Variants in ZNF780B observed in about 807,000 individuals in gnomAD.
ZNF780B encodes the protein zinc finger protein 779.
Under a neutral mutation model 74.1 loss-of-function variants are expected in ZNF780B, and 52 were observed. The ratio of observed to expected loss-of-function variants is 0.70; its 90% CI spans 0.56 to 0.88. The LOEUF is 0.88. Among genes scored for constraint, ZNF780B ranks in the 40% least tolerant of loss-of-function variants. The pLI is 0.00. For synonymous variants in ZNF780B, 315 were observed against 324.3 expected, an observed-to-expected ratio of 0.97 and a Z score of 0.31; for missense variants, 953 against 1,007.6, an observed-to-expected ratio of 0.95 and a Z score of 0.73.
intron 2 of ZNF780B, chr19:40,049,057 C>A: frequency 2.6e-6 from 1 of 380,118 alleles, no homozygotes; most frequent in East Asian, 4.8e-5. Context: ...GATGCACTCC[C>A]TGGAAAAAAA....
chr19:40,033,584 T>C lies in ZNF780B; in HGVS notation c.*773A>G, dbSNP rs1184293092. 1 of 153,026 alleles carries C rather than the reference T, an allele frequency of 6.5e-6. No individual in the cohort carries two copies. Among genetic ancestry groups the C allele is most frequent in the Non-Finnish European group, 1.5e-5 (1 of 68,432 alleles). 9.5% of individuals were successfully genotyped at this position (153,026 alleles called of 1,614,324 possible). A position where few individuals can be genotyped will look rare whatever the true frequency, so the allele number is the denominator to read the frequency against. On this transcript the variant is annotated 3_prime_UTR_variant, in exon 5 of 5. Coordinates refer to ENST00000434248, the MANE Select transcript of ZNF780B (RefSeq NM_001005851.3). ...GCCACGATGAAAGTTCTTCACACAT[T>C]CTTTTATGTTCACAGGATTTCTCAT...
Position 40,036,423 on chromosome 19 carries a change from A to C in ZNF780B, c.436T>G (p.Tyr146Asp). The C allele has an allele frequency of 6.2e-7, 1 of 1,609,192 alleles. No homozygotes were observed. The highest frequency in any genetic ancestry group is 8.5e-7 in the Non-Finnish European group (1 of 1,178,464). ...EGYINQKIISYEEMPAYTHAS... is the reference protein window; with the variant it reads ...EGYINQKIISDEEMPAYTHAS... ...TGAGTATAAGCAGGCATTTCTTCAT[A>C]GCTGATGATCTTCTGGTTGATATAT... The change falls in exon 5 of 5, where the codon TAT becomes GAT. Residue 146 changes from tyrosine to aspartate, a missense_variant. Coordinates refer to ENST00000434248, the MANE Select transcript of ZNF780B (RefSeq NM_001005851.3).
chr19:40,036,604 A>G lies in ZNF780B; in HGVS notation c.255T>C (p.Pro85=). Residue 85 remains proline (P), a synonymous_variant, in exon 5 of 5, where the codon CCT becomes CCC. Coordinates refer to ENST00000434248, the MANE Select transcript of ZNF780B (RefSeq NM_001005851.3). ...WYPDLESKYG[P]EKISPENDIF... ...TATCATTTTCTGGAGATATTTTCTC[A>G]GGTCCATATTTTGACTCCAAATCTG... The G allele has an allele frequency of 6.5e-7, 1 of 1,546,188 alleles. No homozygotes were observed. Among genetic ancestry groups the G allele is most frequent in the Non-Finnish European group, 8.7e-7 (1 of 1,149,668 alleles).
rs141989470 is a variant in ZNF780B at position 40,034,665 on chromosome 19, T to C, written c.2194A>G (p.Lys732Glu). ...AGCTGTGTCAGAAGACCAAAGGCCT[T>C]TCCGCATTCTTTACATTCAAAGGGT... The part of the protein sequence containing the change: ...EKPFECKECG[K>E]AFGLLTQLAQ... The change falls in exon 5 of 5, where the codon AAG becomes GAG. Residue 732 changes from lysine (K) to glutamate (E), a missense_variant. Lys to Glu is a moderately conservative substitution (Grantham distance 56, BLOSUM62 1). Coordinates refer to ENST00000434248, the MANE Select transcript of ZNF780B (RefSeq NM_001005851.3). 9.9e-6 allele frequency: 16 copies of C among 1,614,126 alleles called. No individual in the cohort carries two copies. In the African/African-American group the frequency reaches 2.1e-4, roughly 22 times the overall value.
At chr19:40,053,959 C>T (rs111598666) in intron 1 of ZNF780B, among the ~76,000 whole-genome samples, 1 of 152,340 alleles carries the variant, frequency 6.6e-6, no homozygotes, top group African/African-American at 2.4e-5. Context: ...TCGAGACCAC[C>T]CTGGCCAACA....
At position 40,035,745 on chromosome 19, in the gene ZNF780B, G is replaced by A. The variant is rs1196665756; in HGVS notation, c.1114C>T (p.Leu372Phe). The change falls in exon 5 of 5, where the codon CTC (leucine) becomes TTC (phenylalanine). Residue 372 changes from leucine to phenylalanine, a missense_variant. Coordinates refer to ENST00000434248, the MANE Select transcript of ZNF780B (RefSeq NM_001005851.3). Reference sequence around the variant, plus strand: ...TTATGGCGATTAAGCTGATTGAGGAGACTAAAGGCCTTCCCGCATTCCCTG... The same window carrying A: ...TTATGGCGATTAAGCTGATTGAGGAAACTAAAGGCCTTCCCGCATTCCCTG... The part of the protein sequence containing the change: ...ECRECGKAFS[L>F]LNQLNRHKNI... 6.2e-7 allele frequency: 1 copy of A among 1,614,052 alleles called. No homozygotes were observed. Among genetic ancestry groups the A allele is most frequent in the South Asian group, 1.1e-5 (1 of 91,074 alleles).
intron 4 of ZNF780B, among the ~76,000 whole-genome samples, chr19:40,044,263 C>T (rs955930148): frequency 2.6e-5 from 4 of 152,150 alleles, no homozygotes; most frequent in East Asian, 1.9e-4. Context: ...GAGATGCAGA[C>T]ATCTTGATAC....
At chr19:40,041,677 T>C (rs1240085774) in intron 4 of ZNF780B, among the ~76,000 whole-genome samples, 1 of 152,312 alleles carries the variant, frequency 6.6e-6, no homozygotes, top group South Asian at 2.1e-4. Context: ...TCTTTGTCTC[T>C]TTTGATCTTT....
At position 40,034,736 on chromosome 19, in the gene ZNF780B, T is replaced by C. The variant is rs773076131; in HGVS notation, c.2123A>G (p.Tyr708Cys). 3.1e-6 allele frequency: 5 copies of C among 1,613,902 alleles called. No individual in the cohort carries two copies. Among genetic ancestry groups the C allele is most frequent in the Non-Finnish European group, 4.2e-6 (5 of 1,179,962 alleles). Residue 708 changes from tyrosine (Y) to cysteine (C), a missense_variant, in exon 5 of 5, where the codon TAT becomes TGT. By Grantham distance (194) the Tyr-to-Cys change is radical. Transcript: ENST00000434248. ...GTAATGTTCAGTAAGCTGGTAATGA[T>C]ATCTAAAGGTCTTCCTACACTCCTT... The part of the protein sequence containing the change: ...VCKECRKTFR[Y>C]HYQLTEHYRI...
Position 40,036,361 on chromosome 19 carries a change from T to C in ZNF780B, c.498A>G (p.Glu166=), listed in dbSNP as rs980896632. 2.5e-6 allele frequency: 4 copies of C among 1,613,416 alleles called. No homozygotes were observed. The highest frequency in any genetic ancestry group is 2.2e-5 in the East Asian group (1 of 44,870). Residue 166 remains glutamate (E), a synonymous_variant, in exon 5 of 5, where the codon GAA becomes GAG. Coordinates refer to ENST00000434248, the MANE Select transcript of ZNF780B (RefSeq NM_001005851.3). ...TAAAGTATTTCCCACATTCCTTACATTCATATGGTTTATGTGTATTATGAA... is the reference window on the plus strand; with the variant it reads ...TAAAGTATTTCCCACATTCCTTACACTCATATGGTTTATGTGTATTATGAA... ...SPIHNTHKPY[E]CKECGKYFSC...
intron 4 of ZNF780B, among the ~76,000 whole-genome samples, chr19:40,039,342 G>A (rs1378110470): frequency 6.6e-6 from 1 of 152,216 alleles, no homozygotes; most frequent in Non-Finnish European, 1.5e-5. Flanking sequence ...AAGTCAGGTA[G>A]TGTGATGCCT....
chr19:40,050,299 CAAG>C (rs1179097463), intron 2 of ZNF780B, 22 bp downstream of exon 2: 2 of 1,570,494 alleles, frequency 1.3e-6, no homozygotes, highest in Admixed American at 1.7e-5. Flanking sequence ...CACCATATTT[CAAG>C]AAGACAGAAA....
Position 40,035,682 on chromosome 19 carries a change from C to T in ZNF780B, c.1177G>A (p.Glu393Lys), listed in dbSNP as rs770918171. The T allele has an allele frequency of 1.2e-6, 2 of 1,614,096 alleles. No individual in the cohort carries two copies. The highest frequency in any genetic ancestry group is 1.7e-6 in the Non-Finnish European group (2 of 1,180,018). Reference protein sequence around the residue: ...HTGEKPFECKECGKSFNRSSN... With the variant: ...HTGEKPFECKKCGKSFNRSSN... The stretch of plus-strand genomic sequence containing the variant: ...CTACGATTAAAGGACTTCCCACATT[C>T]TTTACATTCAAATGGTTTTTCACCT... Residue 393 changes from glutamate to lysine, a missense_variant, in exon 5 of 5, where the codon GAA becomes AAA. Glu to Lys is a moderately conservative substitution (Grantham distance 56). Coordinates refer to ENST00000434248, the MANE Select transcript of ZNF780B (RefSeq NM_001005851.3).
chr19:40,041,361 G>C (rs1310919617), intron 4 of ZNF780B, among the ~76,000 whole-genome samples: 1 of 152,198 alleles, frequency 6.6e-6, no homozygotes, highest in East Asian at 1.9e-4. Context: ...GTGGTGTGGT[G>C]CTGAAAAGAA....
chr19:40,053,503 G>A lies in ZNF780B; in HGVS notation c.-46+2686C>T, dbSNP rs191330938. 3.3e-5 allele frequency among the ~76,000 whole-genome samples: 5 copies of A among 152,078 alleles called. No homozygotes were observed. The South Asian group carries it at 1.0e-3, about 31-fold the overall frequency. The stretch of plus-strand genomic sequence containing the variant: ...AGACATTATGGAAAACAGCATGGAG[G>A]TTCCTCAAAAAATTAGAAATAGAAC... On this transcript the variant is annotated intron_variant, in intron 1 of 4. Coordinates refer to ENST00000434248, the MANE Select transcript of ZNF780B (RefSeq NM_001005851.3).
chr19:40,046,128 T>A (rs549948205), intron 4 of ZNF780B, among the ~76,000 whole-genome samples: 1 of 151,492 alleles, frequency 6.6e-6, no homozygotes, highest in Non-Finnish European at 1.5e-5. Flanking sequence ...TGAAGAGGAG[T>A]TGGTTAATGT....
At chr19:40,046,193 G>C (rs998244916) in intron 4 of ZNF780B, among the ~76,000 whole-genome samples, 9 of 152,148 alleles carry the variant, frequency 5.9e-5, no homozygotes, top group Non-Finnish European at 1.0e-4. Context: ...AAGCAGAGTA[G>C]AGTGACTCTA....
In ZNF780B at chr19:40,032,350, G is replaced by A; in HGVS notation, c.*2007C>T. 1 of 386,454 alleles carries A rather than the reference G, an allele frequency of 2.6e-6. No homozygotes were observed. The allele number at this position is 386,454 out of a possible 1,614,324, so 23.9% of individuals were successfully genotyped here. ...TAATTTGAGAGCATACTTTCATGGG[G>A]TTTCCATGCTACAATACACTAAAGA... On this transcript the variant is annotated 3_prime_UTR_variant, in exon 5 of 5. Coordinates refer to ENST00000434248, the MANE Select transcript of ZNF780B (RefSeq NM_001005851.3).
rs367849717 is a variant in ZNF780B, at chr19:40,035,761, G to T, written c.1098C>A (p.Cys366Ter). 18 of 1,613,304 alleles carry T rather than the reference G, an allele frequency of 1.1e-5. No homozygotes were observed. In the East Asian group the frequency reaches 1.6e-4, roughly 14 times the overall value. Residue 366 changes from cysteine (C) to a stop codon, truncating the protein, a stop_gained, in exon 5 of 5, where the codon TGC becomes TGA. Transcript: ENST00000434248. LOFTEE classifies it high-confidence loss of function. ...MGEKPFECRECGKAFSLLNQL... is the reference protein window; with the variant it reads ...MGEKPFECRE The stretch of plus-strand genomic sequence containing the variant: ...GATTGAGGAGACTAAAGGCCTTCCC[G>T]CATTCCCTGCATTCAAAGGGCTTCT...
Sources: allele counts gnomAD v4.1 joint callset (sites outside exome capture counted in the v4.1 genomes callset), GRCh38; gene constraint gnomAD v4.1.1; transcripts MANE v1.5; gene names NCBI Gene and HGNC (gene_info 2026-07-23, HGNC 2026-07-21).